The following PEBP4 variants were observed in gnomAD, a reference collection of about 807,000 sequenced individuals.
PEBP4 encodes phosphatidylethanolamine binding protein 4.
A neutral mutation model predicts 23.9 loss-of-function variants in PEBP4; 22 were observed. The ratio of observed to expected loss-of-function variants is 0.92; its 90% CI spans 0.66 to 1.31. The LOEUF is 1.31. PEBP4 is among the 40% of genes most tolerant of loss of function. The pLI, the probability that PEBP4 is intolerant of heterozygous loss-of-function variation, is 0.00. For missense variants in PEBP4, 324 were observed against 281.7 expected, an observed-to-expected ratio of 1.15 and a Z score of -1.07; for synonymous variants, 112 against 99.3, an observed-to-expected ratio of 1.13 and a Z score of -0.76.
intron 4 of PEBP4, among the ~76,000 whole-genome samples, chr8:22,766,103 T>C (rs1462133421): frequency 6.6e-6 from 1 of 152,234 alleles, no homozygotes; most frequent in Admixed American, 6.5e-5. Flanking sequence ...CCCTAAACAC[T>C]TCCTCTTCCT....
At chr8:22,901,730 A>T (rs1482176815) in intron 3 of PEBP4, among the ~76,000 whole-genome samples, 1 of 152,230 alleles carries the variant, frequency 6.6e-6, no homozygotes, top group Non-Finnish European at 1.5e-5. Context: ...ACAAGTCAGT[A>T]ACTCTGGCCA....
intron 4 of PEBP4, among the ~76,000 whole-genome samples, chr8:22,777,675 G>C (rs1191158224): frequency 6.6e-6 from 1 of 152,122 alleles, no homozygotes; most frequent in East Asian, 1.9e-4. Flanking sequence ...GTGGTGGCTG[G>C]GGCACCGGGA....
intron 5 of PEBP4, among the ~76,000 whole-genome samples, chr8:22,725,990 A>C (rs1585237723): frequency 1.7e-5 from 2 of 121,184 alleles, no homozygotes; most frequent in Admixed American, 1.8e-4. Context: ...TGGATCGCAG[A>C]TCAGATATAT....
rs569969792 is a variant in PEBP4, at chr8:22,876,475, G to C, written c.258+43709C>G. ...TTCCAGTGCTCAGGATTTTCTTTTTGGCCTCATTCCAGGAGAGGGTTGGCA... is the reference window on the plus strand; with the variant it reads ...TTCCAGTGCTCAGGATTTTCTTTTTCGCCTCATTCCAGGAGAGGGTTGGCA... On this transcript the variant is annotated intron_variant, in intron 3 of 6. Transcript: ENST00000256404. Among the ~76,000 whole-genome samples the C allele has an allele frequency of 1.1e-3, 162 of 152,220 alleles. 1 individual carries two copies. Among genetic ancestry groups the C allele is most frequent in the Non-Finnish European group, 6.3e-4 (43 of 68,006 alleles).
Position 22,801,681 on chromosome 8 carries a change from G to A in PEBP4, c.357+15956C>T, listed in dbSNP as rs568064732. On this transcript the variant is annotated intron_variant, in intron 4 of 6. Transcript: ENST00000256404. The stretch of plus-strand genomic sequence containing the variant: ...GGGAAATGGTTTTGCAAAAGCACAC[G>A]TAGATGGGCATCTACACACATGCAA... 7.9e-5 allele frequency among the ~76,000 whole-genome samples: 12 copies of A among 152,184 alleles called. No homozygotes were observed. In the East Asian group the frequency reaches 2.3e-3, roughly 29 times the overall value.
chr8:22,728,141 A>G (rs1357656898), intron 4 of PEBP4, among the ~76,000 whole-genome samples: 1 of 152,122 alleles, frequency 6.6e-6, no homozygotes. Flanking sequence ...CACCAAGCCT[A>G]GAAGAGGGGC....
chr8:22,933,890 T>C (rs1250440631), intron 1 of PEBP4, among the ~76,000 whole-genome samples: 2 of 152,216 alleles, frequency 1.3e-5, no homozygotes, highest in Non-Finnish European at 2.9e-5. Flanking sequence ...AGAGGTTTAT[T>C]TGGCTCACAA....
chr8:22,806,495 A>G (rs573917443), intron 4 of PEBP4, among the ~76,000 whole-genome samples: 3 of 151,936 alleles, frequency 2.0e-5, no homozygotes, highest in Admixed American at 6.6e-5. Context: ...TGTGCATGTA[A>G]TCCCAGCTAC....
intron 4 of PEBP4, among the ~76,000 whole-genome samples, chr8:22,788,749 C>T (rs1281801162): frequency 6.6e-6 from 1 of 152,102 alleles, no homozygotes; most frequent in East Asian, 1.9e-4. Context: ...TTAACATGTA[C>T]CAAAAAGCCT....
intron 6 of PEBP4, among the ~76,000 whole-genome samples, chr8:22,722,169 C>T (rs1205795387): frequency 7.0e-6 from 1 of 142,178 alleles, no homozygotes; most frequent in Non-Finnish European, 1.5e-5. Flanking sequence ...CCCTTCCCCT[C>T]CATTTTCTCA....
intron 1 of PEBP4, among the ~76,000 whole-genome samples, chr8:22,939,214 TAA>T (rs1213594011): frequency 1.3e-5 from 2 of 152,190 alleles, no homozygotes; most frequent in African/African-American, 4.8e-5. Flanking sequence ...TGAAATATTT[TAA>T]AAAGTGTTAA....
At chr8:22,746,897 C>T (rs1805131923) in intron 4 of PEBP4, among the ~76,000 whole-genome samples, 1 of 152,188 alleles carries the variant, frequency 6.6e-6, no homozygotes, top group African/African-American at 2.4e-5. Flanking sequence ...GTCACCCAGG[C>T]TAGAGTGCAG....
chr8:22,901,983 A>T (rs775576232), intron 3 of PEBP4, among the ~76,000 whole-genome samples: 1 of 152,166 alleles, frequency 6.6e-6, no homozygotes, highest in Non-Finnish European at 1.5e-5. Flanking sequence ...GCTCATCCCC[A>T]AGTGCGGCTT....
chr8:22,899,385 T>C (rs1160108797), intron 3 of PEBP4, among the ~76,000 whole-genome samples: 2 of 152,246 alleles, frequency 1.3e-5, no homozygotes, highest in Non-Finnish European at 2.9e-5. Flanking sequence ...TGTCCCTATC[T>C]GAGGGTCCCA....
intron 3 of PEBP4, among the ~76,000 whole-genome samples, chr8:22,880,194 AG>A (rs1429500586): frequency 6.6e-6 from 1 of 152,162 alleles, no homozygotes; most frequent in African/African-American, 2.4e-5. Context: ...ACTCGAGCCT[AG>A]GGGAGACTCA....
At chr8:22,909,260 G>A (rs532582531) in intron 3 of PEBP4, among the ~76,000 whole-genome samples, 12 of 152,288 alleles carry the variant, frequency 7.9e-5, no homozygotes, top group African/African-American at 2.9e-4. Flanking sequence ...CCTAAGACGT[G>A]GGTCCAGGGT....
At chr8:22,927,997 T>G, upstream of PEBP4, 1 of 394,760 alleles carries the variant, frequency 2.5e-6, no homozygotes, top group East Asian at 6.3e-5. Context: ...GTCACTCTTG[T>G]CCTGGCTGCC....
intron 1 of PEBP4, 42 bp from the exon 2 acceptor site, chr8:22,927,762 G>T (rs1809380712): frequency 4.3e-6 from 7 of 1,610,220 alleles, no homozygotes; most frequent in Admixed American, 1.7e-5. Context: ...TCCCCTGCAG[G>T]GGCCTTCCTG....
chr8:22,925,828 T>C (rs1294756680), intron 2 of PEBP4, among the ~76,000 whole-genome samples: 1 of 152,200 alleles, frequency 6.6e-6, no homozygotes, highest in Non-Finnish European at 1.5e-5. Flanking sequence ...GTGTTGACCT[T>C]GCACTGCTCA....
Sources: allele counts gnomAD v4.1 joint callset (sites outside exome capture counted in the v4.1 genomes callset), GRCh38; gene constraint gnomAD v4.1.1; transcripts MANE v1.5; gene names NCBI Gene and HGNC (gene_info 2026-07-23, HGNC 2026-07-21).